Variants in THSD7B observed in about 807,000 individuals in gnomAD.
The protein encoded by THSD7B is thrombospondin type 1 domain containing 7B, also known as thrombospondin type-1 domain-containing protein 7B.
THSD7B carries 138 observed loss-of-function variants against 213.6 expected under a neutral mutation model. The ratio of observed to expected loss-of-function variants is 0.65; its 90% CI spans 0.56 to 0.74. The LOEUF (loss-of-function observed/expected upper bound fraction) is 0.74, where lower values mean the gene tolerates loss of function less well. Among genes scored for constraint, THSD7B ranks in the 30% least tolerant of loss-of-function variants. THSD7B has a pLI of 0.00. For synonymous variants in THSD7B, 742 were observed against 687.0 expected, an observed-to-expected ratio of 1.08 and a Z score of -1.25; for missense variants, 1,931 against 1,991.5, an observed-to-expected ratio of 0.97 and a Z score of 0.58.
At chr2:137,652,086 T>A (rs1405664991) in intron 21 of THSD7B, among the ~76,000 whole-genome samples, 1 of 152,114 alleles carries the variant, frequency 6.6e-6, no homozygotes, top group Non-Finnish European at 1.5e-5. Flanking sequence ...TAATGTAGTT[T>A]AACTCTAGTG....
At chr2:137,372,069 G>A (rs757259517) in intron 12 of THSD7B, among the ~76,000 whole-genome samples, 9 of 152,136 alleles carry the variant, frequency 5.9e-5, no homozygotes, top group Admixed American at 3.3e-4. Context: ...GCTTAAGAGT[G>A]AAGTGGTCTG....
At chr2:137,543,405 T>C (rs1263535614) in intron 15 of THSD7B, among the ~76,000 whole-genome samples, 2 of 151,840 alleles carry the variant, frequency 1.3e-5, no homozygotes, top group African/African-American at 4.8e-5. Context: ...TGACAAATAG[T>C]GCTTGGACAA....
At position 137,580,020 on chromosome 2, in the gene THSD7B, A is replaced by G. The variant is rs191226399; in HGVS notation, c.3423+7464A>G. ...TATAAAAGTGTTTAGTTTTTATGAT[A>G]CTAAGTTTCTTTCTTGCTTAAAAAA... On this transcript the variant is annotated intron_variant, in intron 17 of 27. Transcript: ENST00000409968. Among the ~76,000 whole-genome samples the G allele has an allele frequency of 2.9e-3, 442 of 152,222 alleles. 4 individuals are homozygous for G. Among genetic ancestry groups the G allele is most frequent in the African/African-American group, 9.9e-3 (413 of 41,548 alleles).
intron 5 of THSD7B, among the ~76,000 whole-genome samples, chr2:137,121,199 T>G (rs554099668): frequency 6.6e-6 from 1 of 152,314 alleles, no homozygotes; most frequent in East Asian, 1.9e-4. Flanking sequence ...TTCTTGTTAT[T>G]AAAAATTTCC....
At chr2:137,349,320 T>C (rs1684958645) in intron 12 of THSD7B, among the ~76,000 whole-genome samples, 1 of 151,814 alleles carries the variant, frequency 6.6e-6, no homozygotes, top group Non-Finnish European at 1.5e-5. Context: ...AATAAAATGA[T>C]CATGAAAAGG....
chr2:137,239,998 C>T (rs1420470466), intron 9 of THSD7B, among the ~76,000 whole-genome samples: 4 of 152,162 alleles, frequency 2.6e-5, no homozygotes, highest in African/African-American at 9.7e-5. Flanking sequence ...GACACTGATG[C>T]CATTCATGAG....
chr2:137,079,257 T>C (rs889010066), intron 3 of THSD7B, among the ~76,000 whole-genome samples: 17 of 152,188 alleles, frequency 1.1e-4, no homozygotes, highest in Admixed American at 3.9e-4. Context: ...TAATTGATTA[T>C]ATTTTTTAGT....
chr2:137,135,654 G>A (rs1679438556), intron 5 of THSD7B, among the ~76,000 whole-genome samples: 1 of 152,080 alleles, frequency 6.6e-6, no homozygotes, highest in Non-Finnish European at 1.5e-5. Flanking sequence ...ATACCTGAAG[G>A]AAACCCTGGG....
chr2:137,200,074 A>G (rs1305612747), intron 7 of THSD7B, among the ~76,000 whole-genome samples: 1 of 152,170 alleles, frequency 6.6e-6, no homozygotes, highest in Non-Finnish European at 1.5e-5. Flanking sequence ...ATATTTTTCA[A>G]TCTTTAATAA....
chr2:136,822,971 C>T (rs904341246), intron 1 of THSD7B, among the ~76,000 whole-genome samples: 62 of 152,276 alleles, frequency 4.1e-4, no homozygotes, highest in African/African-American at 1.5e-3. Context: ...GGGGAGCTTT[C>T]CTTGAAGAAG....
chr2:137,280,745 A>G (rs1018805579), intron 12 of THSD7B, among the ~76,000 whole-genome samples: 3 of 152,108 alleles, frequency 2.0e-5, no homozygotes, highest in Non-Finnish European at 4.4e-5. Flanking sequence ...ATAAAAGTAT[A>G]AGAGGAAGAA....
At chr2:137,017,687 C>T (rs886917784) in intron 2 of THSD7B, among the ~76,000 whole-genome samples, 1 of 152,144 alleles carries the variant, frequency 6.6e-6, no homozygotes, top group Non-Finnish European at 1.5e-5. Context: ...GTCACTCATA[C>T]AGGCTTCATT....
At chr2:137,058,849 A>G (rs1390647116) in intron 3 of THSD7B, among the ~76,000 whole-genome samples, 2 of 152,138 alleles carry the variant, frequency 1.3e-5, no homozygotes, top group Admixed American at 6.5e-5. Context: ...TGCAAGCCAG[A>G]AGAGAGAACC....
chr2:137,095,124 A>G lies in THSD7B; in HGVS notation c.1199+3A>G. Reference sequence around the variant, plus strand: ...GAACTTCTGCAGCAATGTCCCAGGTATTACGCCTTTATGCCTTCTTTAGTG... The same window carrying G: ...GAACTTCTGCAGCAATGTCCCAGGTGTTACGCCTTTATGCCTTCTTTAGTG... On this transcript the variant is annotated splice_donor_region_variant and intron_variant, in intron 4 of 27. Coordinates refer to ENST00000409968, the MANE Select transcript of THSD7B (RefSeq NM_001316349.2). The G allele has an allele frequency of 6.2e-7, 1 of 1,613,418 alleles. No homozygotes were observed. Among genetic ancestry groups the G allele is most frequent in the Non-Finnish European group, 8.5e-7 (1 of 1,179,492 alleles).
At position 137,661,390 on chromosome 2, in the gene THSD7B, G is replaced by A. The variant is rs1683339825; in HGVS notation, c.4458+1644G>A. Among the ~76,000 whole-genome samples the A allele has an allele frequency of 1.3e-5, 2 of 152,018 alleles. 1 individual carries two copies. The highest frequency in any genetic ancestry group is 4.1e-4 in the South Asian group (2 of 4,830). ...TTACAAGGAAGGAGTAACTCAGATA[G>A]GCATAGGTATATTTCTCTTGAGCAT... On this transcript the variant is annotated intron_variant, in intron 25 of 27. Coordinates refer to ENST00000409968, the MANE Select transcript of THSD7B (RefSeq NM_001316349.2).
chr2:137,605,898 T>C (rs145758788), intron 17 of THSD7B, among the ~76,000 whole-genome samples: 37 of 152,086 alleles, frequency 2.4e-4, no homozygotes, highest in African/African-American at 7.7e-4. Flanking sequence ...CTCAGTCTCC[T>C]ACCTTGTGAT....
chr2:137,605,697 T>C (rs1682162366), intron 17 of THSD7B, among the ~76,000 whole-genome samples: 1 of 119,888 alleles, frequency 8.3e-6, no homozygotes, highest in African/African-American at 3.2e-5. Flanking sequence ...TGAGACGGAG[T>C]CCTGCTCCGT....
chr2:136,843,382 T>C (rs902958915), intron 1 of THSD7B, among the ~76,000 whole-genome samples: 3 of 152,230 alleles, frequency 2.0e-5, no homozygotes, highest in African/African-American at 7.2e-5. Flanking sequence ...TCCCTCATAA[T>C]GGAATCGTAT....
chr2:137,398,561 C>G (rs1245326628), intron 12 of THSD7B, among the ~76,000 whole-genome samples: 31 of 151,828 alleles, frequency 2.0e-4, no homozygotes, highest in Middle Eastern at 6.8e-3. Flanking sequence ...CCACTGCTCT[C>G]TTCAAAGCTG....
Sources: gnomAD v4.1 joint callset for allele counts (sites outside exome capture counted in the v4.1 genomes callset) on GRCh38, gnomAD v4.1.1 for gene constraint, MANE v1.5 for transcripts, NCBI Gene and HGNC (gene_info 2026-07-23, HGNC 2026-07-21) for gene names.